The following ADRA1B variants were observed in gnomAD, a reference collection of about 807,000 sequenced individuals.
ADRA1B encodes the protein adrenoceptor alpha 1B, also known as alpha-1B adrenergic receptor.
A neutral mutation model predicts 17.9 loss-of-function variants in ADRA1B; 17 were observed. The ratio of observed to expected loss-of-function variants is 0.95; its 90% confidence interval spans 0.65 to 1.42. The LOEUF (loss-of-function observed/expected upper bound fraction) is 1.42. Ranked by LOEUF, ADRA1B falls within the 40% of genes most tolerant of loss-of-function variation. The pLI is 0.00. For missense variants in ADRA1B, 681 were observed against 722.1 expected (o/e 0.94, Z 0.65); for synonymous variants, 366 against 327.6 (o/e 1.12, Z -1.27).
At chr5:159,976,473 G>C (rs1326333769), downstream of ADRA1B, among the ~76,000 whole-genome samples, 1 of 152,012 alleles carries the variant, frequency 6.6e-6, no homozygotes, top group Non-Finnish European at 1.5e-5. Flanking sequence ...TTGGAGAACA[G>C]CCTGGCCTAC....
intron 1 of ADRA1B, among the ~76,000 whole-genome samples, chr5:159,878,732 G>A (rs1169495440): frequency 6.6e-6 from 1 of 152,178 alleles, no homozygotes; most frequent in African/African-American, 2.4e-5. Context: ...GTCCTAGTCT[G>A]CTTAGCTCCC....
At chr5:159,963,288 G>A (rs369596253) in intron 1 of ADRA1B, among the ~76,000 whole-genome samples, 21 of 132,694 alleles carry the variant, frequency 1.6e-4, no homozygotes, top group Non-Finnish European at 2.3e-4. Flanking sequence ...AACAAAAAAA[G>A]TATATATATA....
the ADRA1B span, among the ~76,000 whole-genome samples, chr5:159,986,773 A>G: frequency 6.6e-6 from 1 of 152,142 alleles, no homozygotes; most frequent in Non-Finnish European, 1.5e-5. Context: ...CCACTTTACG[A>G]TGGGTTTTTG....
chr5:159,882,769 G>A (rs553697952), intron 1 of ADRA1B, among the ~76,000 whole-genome samples: 1 of 151,990 alleles, frequency 6.6e-6, no homozygotes, highest in Admixed American at 6.5e-5. Flanking sequence ...GCTCCTGGGT[G>A]TCTGTTCATT....
intron 1 of ADRA1B, among the ~76,000 whole-genome samples, chr5:159,899,088 A>G (rs1396998611): frequency 6.6e-6 from 1 of 151,992 alleles, no homozygotes; most frequent in South Asian, 2.1e-4. Context: ...TTGAGGTTGC[A>G]GTGAGCCTTG....
intron 1 of ADRA1B, among the ~76,000 whole-genome samples, chr5:159,934,824 A>AG (rs1193855035): frequency 6.6e-6 from 1 of 151,956 alleles, no homozygotes; most frequent in South Asian, 2.1e-4. Flanking sequence ...TCTCAAAAAA[A>AG]AAAAAAAACA....
intron 1 of ADRA1B, among the ~76,000 whole-genome samples, chr5:159,918,087 G>C (rs192269371): frequency 2.1e-4 from 32 of 152,302 alleles, no homozygotes; most frequent in African/African-American, 7.7e-4. Flanking sequence ...TAGAACCAGG[G>C]AAGGAAAATC....
At chr5:159,963,058 C>T (rs976048181) in intron 1 of ADRA1B, among the ~76,000 whole-genome samples, 3 of 149,490 alleles carry the variant, frequency 2.0e-5, no homozygotes, top group African/African-American at 7.4e-5. Flanking sequence ...AGCCATTGCA[C>T]CTGGCCTTTT....
intron 1 of ADRA1B, among the ~76,000 whole-genome samples, chr5:159,907,587 C>A (rs1754175682): frequency 6.6e-6 from 1 of 151,866 alleles, no homozygotes; most frequent in Non-Finnish European, 1.5e-5. Flanking sequence ...AAAATCTGTA[C>A]CTAAATACTC....
chr5:159,972,299 C>G lies in ADRA1B; in HGVS notation c.1370C>G (p.Pro457Arg). ...GCGCCCGGCGCCCTCCTGAGCCTGC[C>G]CGCGCCTGAGCCCCCCGGCCGCCGC... ...WKAPGALLSL[P>R]APEPPGRRGR... The change falls in exon 2 of 2, where the codon CCC (proline) becomes CGC (arginine). Residue 457 changes from proline (P) to arginine (R), a missense_variant. Pro to Arg is a moderately radical substitution (Grantham distance 103). Transcript: ENST00000306675. The G allele has an allele frequency of 7.0e-7, 1 of 1,424,032 alleles. No individual in the cohort carries two copies. The highest frequency in any genetic ancestry group is 9.1e-7 in the Non-Finnish European group (1 of 1,093,708). 88.2% of individuals were successfully genotyped at this position (1,424,032 alleles called of 1,614,324 possible).
In ADRA1B at chr5:159,958,681, T is replaced by C. The variant is rs371885931; in HGVS notation, c.950-13198T>C. On this transcript the variant is annotated intron_variant, in intron 1 of 1. Transcript: ENST00000306675. ...ACCTGTTGGGATTTTAATTAGACTG[T>C]TTTGAATTTTCAGATTAATTTGGGG... Among the ~76,000 whole-genome samples, 4 of 152,330 alleles carry C rather than the reference T, an allele frequency of 2.6e-5. No homozygotes were observed. The East Asian group carries it at 5.8e-4, about 22-fold the overall frequency.
chr5:159,925,607 A>G (rs995065941), intron 1 of ADRA1B, among the ~76,000 whole-genome samples: 1 of 152,194 alleles, frequency 6.6e-6, no homozygotes, highest in East Asian at 1.9e-4. Context: ...GTGAGTTGGC[A>G]TCGTGGGCGA....
At chr5:159,896,750 G>A (rs1754044901) in intron 1 of ADRA1B, among the ~76,000 whole-genome samples, 1 of 152,152 alleles carries the variant, frequency 6.6e-6, no homozygotes, top group Admixed American at 6.5e-5. Flanking sequence ...CAACCCCCTT[G>A]ACAAAATTCT....
Position 159,972,125 on chromosome 5 carries a change from G to T in ADRA1B, c.1196G>T (p.Arg399Leu). The change falls in exon 2 of 2, where the codon CGC becomes CTC. Residue 399 changes from arginine to leucine, a missense_variant. Around this residue, in one of 3 missense-constraint regions of ADRA1B, gnomAD observed 251 missense variants for 224.9 expected, o/e 1.12. Coordinates refer to ENST00000306675, the MANE Select transcript of ADRA1B (RefSeq NM_000679.4). ...RPWTRGGSLE[R>L]SQSRKDSLDD... ...TGGACGCGCGGCGGCTCGCTGGAGC[G>T]CTCGCAGTCGCGCAAGGACTCGCTG... 7.5e-7 allele frequency: 1 copy of T among 1,327,030 alleles called. No individual in the cohort carries two copies. 82.2% of individuals were successfully genotyped at this position (1,327,030 alleles called of 1,614,324 possible).
intron 1 of ADRA1B, chr5:159,866,809 C>T (rs1252229068): frequency 6.6e-6 from 1 of 152,046 alleles, no homozygotes; most frequent in African/African-American, 2.4e-5. Context: ...CTCTTAACAG[C>T]ACTCTACAGC....
intron 1 of ADRA1B, among the ~76,000 whole-genome samples, chr5:159,926,393 A>T (rs1754651125): frequency 6.6e-6 from 1 of 152,156 alleles, no homozygotes; most frequent in African/African-American, 2.4e-5. Flanking sequence ...CAACTTTTGC[A>T]GCACTGCCAG....
At chr5:159,878,186 C>A (rs1358038432) in intron 1 of ADRA1B, among the ~76,000 whole-genome samples, 1 of 152,296 alleles carries the variant, frequency 6.6e-6, no homozygotes, top group African/African-American at 2.4e-5. Context: ...TTGAATCAGT[C>A]GGGTCCAGAG....
chr5:159,951,328 C>T, intron 1 of ADRA1B: 1 of 1,330,830 alleles, frequency 7.5e-7, no homozygotes, highest in Non-Finnish European at 1.1e-6. Context: ...TTGACAGTGC[C>T]ATGGAATTTG....
the ADRA1B span, among the ~76,000 whole-genome samples, chr5:159,987,934 G>A: frequency 6.6e-6 from 1 of 152,022 alleles, no homozygotes; most frequent in African/African-American, 2.4e-5. Context: ...GCCCCCCCTC[G>A]GCCGGCCGCC....
Sources: allele counts gnomAD v4.1 joint callset (sites outside exome capture counted in the v4.1 genomes callset), GRCh38; gene constraint gnomAD v4.1.1; regional missense constraint gnomAD v4.1.1; transcripts MANE v1.5; gene names NCBI Gene and HGNC (gene_info 2026-07-23, HGNC 2026-07-21).